The following FRMD4A variants were observed in gnomAD, a reference collection of about 807,000 sequenced individuals.
FRMD4A encodes FERM domain-containing protein 4A.
Under a neutral mutation model 129.1 loss-of-function variants are expected in FRMD4A, and 29 were observed. The ratio of observed to expected loss-of-function variants is 0.22; its 90% CI spans 0.17 to 0.31. FRMD4A has a LOEUF of 0.31. Ranked by LOEUF, FRMD4A falls within the 10% of genes least tolerant of loss-of-function variation. The pLI is 1.00. For synonymous variants in FRMD4A, 634 were observed against 571.6 expected, an observed-to-expected ratio of 1.11 and a Z score of -1.56; for missense variants, 1,272 against 1,375.8, an observed-to-expected ratio of 0.92 and a Z score of 1.19.
At chr10:13,981,913 A>T (rs1453768429) in intron 2 of FRMD4A, among the ~76,000 whole-genome samples, 1 of 152,116 alleles carries the variant, frequency 6.6e-6, no homozygotes, top group African/African-American at 2.4e-5. Flanking sequence ...GGAGAAAGTG[A>T]GGCCAGGTTA....
intron 12 of FRMD4A, among the ~76,000 whole-genome samples, chr10:13,712,232 A>G (rs1213440724): frequency 6.6e-6 from 1 of 152,250 alleles, no homozygotes; most frequent in African/African-American, 2.4e-5. Context: ...GTGATGAAGG[A>G]CAGCCTGGGC....
intron 13 of FRMD4A, among the ~76,000 whole-genome samples, chr10:13,703,439 C>A (rs1424395264): frequency 1.3e-5 from 2 of 152,140 alleles, no homozygotes; most frequent in African/African-American, 4.8e-5. Flanking sequence ...TCCAGTGCCC[C>A]ACAGGGAATG....
At chr10:13,691,814 C>T (rs1391947431) in intron 15 of FRMD4A, among the ~76,000 whole-genome samples, 1 of 152,140 alleles carries the variant, frequency 6.6e-6, no homozygotes, top group East Asian at 1.9e-4. Flanking sequence ...TAGGAAAAAA[C>T]GCGATTGTAG....
At chr10:14,209,846 C>A (rs1842888671) in intron 2 of FRMD4A, among the ~76,000 whole-genome samples, 1 of 152,120 alleles carries the variant, frequency 6.6e-6, no homozygotes, top group South Asian at 2.1e-4. Context: ...TGTGATCATG[C>A]CACTGCCCTC....
At chr10:13,730,052 T>C (rs1050798085) in intron 12 of FRMD4A, among the ~76,000 whole-genome samples, 11 of 152,198 alleles carry the variant, frequency 7.2e-5, no homozygotes, top group African/African-American at 2.7e-4. Context: ...TAATGTGTAA[T>C]GGCTTCCGAT....
intron 2 of FRMD4A, among the ~76,000 whole-genome samples, chr10:14,156,214 T>C (rs1341035011): frequency 6.6e-6 from 1 of 152,124 alleles, no homozygotes; most frequent in Non-Finnish European, 1.5e-5. Context: ...GGAAAATGAA[T>C]GAACTACAAC....
chr10:14,263,265 C>T (rs1258105157), intron 2 of FRMD4A, among the ~76,000 whole-genome samples: 1 of 152,178 alleles, frequency 6.6e-6, no homozygotes, highest in Non-Finnish European at 1.5e-5. Context: ...GAAGCTCCTG[C>T]TTCGTAGAGC....
chr10:13,802,983 A>G (rs1430229667), intron 4 of FRMD4A, among the ~76,000 whole-genome samples: 1 of 152,134 alleles, frequency 6.6e-6, no homozygotes, highest in Admixed American at 6.5e-5. Flanking sequence ...CCCCGTCTCT[A>G]CTAAAAATAC....
intron 2 of FRMD4A, among the ~76,000 whole-genome samples, chr10:14,202,898 C>T (rs1442869784): frequency 6.6e-6 from 1 of 152,124 alleles, no homozygotes; most frequent in Non-Finnish European, 1.5e-5. Context: ...TCAGCCTCCA[C>T]AATAGCTGGG....
At chr10:14,290,502 G>C (rs1027263730) in intron 2 of FRMD4A, among the ~76,000 whole-genome samples, 8 of 152,138 alleles carry the variant, frequency 5.3e-5, no homozygotes, top group African/African-American at 1.9e-4. Context: ...TCAATAAATG[G>C]TATTGTGAAA....
At chr10:14,274,750 A>C (rs1357769119) in intron 2 of FRMD4A, among the ~76,000 whole-genome samples, 2 of 152,072 alleles carry the variant, frequency 1.3e-5, no homozygotes, top group Non-Finnish European at 2.9e-5. Flanking sequence ...AGCCAGGTGT[A>C]TTTTTCAAAT....
At chr10:13,700,093 G>T (rs4750399) in intron 14 of FRMD4A, among the ~76,000 whole-genome samples, 149,189 of 152,116 alleles carry the variant, frequency 0.98, 73,212 homozygotes, top group Middle Eastern at 1. Flanking sequence ...GTTTCATTTC[G>T]TCCTGTCCTC....
intron 2 of FRMD4A, among the ~76,000 whole-genome samples, chr10:14,300,250 T>C (rs1328453653): frequency 6.6e-6 from 1 of 152,166 alleles, no homozygotes; most frequent in Non-Finnish European, 1.5e-5. Context: ...AACTGCTTTA[T>C]TCTGTAACAG....
chr10:13,757,973 A>G (rs2091930391), intron 8 of FRMD4A, among the ~76,000 whole-genome samples: 1 of 152,110 alleles, frequency 6.6e-6, no homozygotes, highest in Admixed American at 6.5e-5. Context: ...TGAACTCTCG[A>G]CCTTAGGTGA....
chr10:13,872,123 C>G (rs371894484), intron 2 of FRMD4A, among the ~76,000 whole-genome samples: 140 of 152,322 alleles, frequency 9.2e-4, no homozygotes, highest in African/African-American at 3.2e-3. Flanking sequence ...TGACTGCCGC[C>G]TACACACAGT....
chr10:13,674,775 A>G, intron 16 of FRMD4A, 136 bp downstream of exon 16: 2 of 975,014 alleles, frequency 2.1e-6, no homozygotes, highest in South Asian at 3.1e-5. Flanking sequence ...CCCTCTTTTT[A>G]TCACTACCCT....
intron 2 of FRMD4A, among the ~76,000 whole-genome samples, chr10:14,117,344 A>G (rs1458860967): frequency 6.6e-6 from 1 of 152,216 alleles, no homozygotes; most frequent in African/African-American, 2.4e-5. Flanking sequence ...GGCCCTAGCA[A>G]GGAGGATGGA....
At chr10:13,880,641 C>T (rs1042593710) in intron 2 of FRMD4A, among the ~76,000 whole-genome samples, 3 of 152,092 alleles carry the variant, frequency 2.0e-5, no homozygotes, top group Non-Finnish European at 4.4e-5. Context: ...CTGGGTGCAA[C>T]CTCTCTTGTT....
chr10:13,894,070 T>C (rs2610802), intron 2 of FRMD4A, among the ~76,000 whole-genome samples: 151,946 of 152,178 alleles, frequency 1, 75,861 homozygotes, highest in Middle Eastern at 1. Context: ...CACCTGATCA[T>C]GGAGCCTGTC....
Sources: allele counts gnomAD v4.1 joint callset (sites outside exome capture counted in the v4.1 genomes callset), GRCh38; gene constraint gnomAD v4.1.1; transcripts MANE v1.5; gene names NCBI Gene and HGNC (gene_info 2026-07-23, HGNC 2026-07-21).